DNM3: variants seen among roughly 807,000 people sequenced by gnomAD.
The protein encoded by DNM3 is dynamin-3.
In DNM3, 47 loss-of-function variants were observed where a neutral mutation model predicts 101.6. The ratio of observed to expected loss-of-function variants is 0.46; its 90% CI spans 0.37 to 0.59. The LOEUF (loss-of-function observed/expected upper bound fraction) is 0.59. Among genes scored for constraint, DNM3 ranks in the 20% least tolerant of loss-of-function variants. The pLI, the probability that DNM3 is intolerant of heterozygous loss-of-function variation, is 0.00. For synonymous variants in DNM3, 385 were observed against 387.9 expected (o/e 0.99, Z 0.09); for missense variants, 849 against 1,085.7 (o/e 0.78, Z 3.06).
chr1:172,012,318 T>C (rs2047183397), intron 4 of DNM3, among the ~76,000 whole-genome samples: 1 of 152,044 alleles, frequency 6.6e-6, no homozygotes, highest in Admixed American at 6.6e-5. Flanking sequence ...TGTGGGAAGT[T>C]ATATGGACCA....
chr1:171,934,771 A>G (rs548684517), intron 2 of DNM3, among the ~76,000 whole-genome samples: 1 of 152,344 alleles, frequency 6.6e-6, no homozygotes, highest in Non-Finnish European at 1.5e-5. Context: ...TGACTTTGTC[A>G]TAACCCTAGA....
chr1:172,321,214 T>C (rs2065698547), intron 16 of DNM3, among the ~76,000 whole-genome samples: 2 of 152,182 alleles, frequency 1.3e-5, no homozygotes, highest in African/African-American at 2.4e-5. Context: ...TCTGCGTTAT[T>C]GTAGGAGAAG....
chr1:171,864,950 A>G (rs1439272709), intron 1 of DNM3, among the ~76,000 whole-genome samples: 1 of 152,090 alleles, frequency 6.6e-6, no homozygotes, highest in East Asian at 1.9e-4. Flanking sequence ...GAAATTAATC[A>G]CTCATTAATT....
At chr1:172,123,125 A>C (rs2056416981) in intron 13 of DNM3, among the ~76,000 whole-genome samples, 1 of 152,186 alleles carries the variant, frequency 6.6e-6, no homozygotes, top group Non-Finnish European at 1.5e-5. Context: ...AGTAACATCC[A>C]AATGTAAAAA....
intron 2 of DNM3, among the ~76,000 whole-genome samples, chr1:171,960,803 A>T (rs933510549): frequency 1.3e-5 from 2 of 152,148 alleles, no homozygotes; most frequent in African/African-American, 4.8e-5. Flanking sequence ...GTACTCTGTG[A>T]CTGGAAGAAA....
rs1170575883 is a variant in DNM3, at chr1:172,367,733, G to A, written c.1894-11285G>A. Among the ~76,000 whole-genome samples, 2 of 151,926 alleles carry A rather than the reference G, an allele frequency of 1.3e-5. 1 individual carries two copies. ...CTATGAAGATACTCATAGACTGAAA[G>A]TGAAGGAATGAAAATATATATTCCA... On this transcript the variant is annotated intron_variant, in intron 17 of 20. Transcript: ENST00000627582.
chr1:172,299,279 T>C (rs1274352300), intron 15 of DNM3, among the ~76,000 whole-genome samples: 4 of 152,200 alleles, frequency 2.6e-5, no homozygotes, highest in African/African-American at 7.2e-5. Flanking sequence ...CCTGGGGGCT[T>C]TGTGGGCCAT....
At chr1:172,394,754 G>A (rs759237123) in intron 20 of DNM3, among the ~76,000 whole-genome samples, 1 of 152,146 alleles carries the variant, frequency 6.6e-6, no homozygotes, top group South Asian at 2.1e-4. Context: ...ACTGGCCAGT[G>A]AAAAATGCAC....
chr1:171,930,785 A>G (rs1382957979), intron 2 of DNM3, among the ~76,000 whole-genome samples: 1 of 152,026 alleles, frequency 6.6e-6, no homozygotes, highest in Non-Finnish European at 1.5e-5. Context: ...AGCGTGCTGT[A>G]TTTACTTGCC....
chr1:171,922,370 A>C (rs1050504859), intron 2 of DNM3, among the ~76,000 whole-genome samples: 1 of 149,824 alleles, frequency 6.7e-6, no homozygotes, highest in African/African-American at 2.5e-5. Context: ...TTTCATGTTT[A>C]TTTGCCATTT....
chr1:172,358,260 G>A (rs1327160309), intron 17 of DNM3, among the ~76,000 whole-genome samples: 2 of 152,084 alleles, frequency 1.3e-5, no homozygotes, highest in Non-Finnish European at 2.9e-5. Flanking sequence ...GTGTATATGT[G>A]TGTGTGCGTA....
At chr1:172,075,448 C>T (rs547039570) in intron 11 of DNM3, among the ~76,000 whole-genome samples, 5 of 152,168 alleles carry the variant, frequency 3.3e-5, no homozygotes, top group African/African-American at 1.2e-4. Context: ...GCTTTTAGGT[C>T]TTGTGTTTAA....
intron 1 of DNM3, among the ~76,000 whole-genome samples, chr1:171,892,306 T>C (rs1283570090): frequency 6.6e-6 from 1 of 152,164 alleles, no homozygotes; most frequent in Admixed American, 6.5e-5. Context: ...GGTTCTTTTG[T>C]TTGGAAATGG....
At chr1:171,970,274 G>A (rs1473150939) in intron 2 of DNM3, 1 of 361,330 alleles carries the variant, frequency 2.8e-6, no homozygotes, top group Non-Finnish European at 3.8e-6. Flanking sequence ...AACATTTTAA[G>A]GGTAACATTT....
At chr1:171,862,996 A>G (rs1254335529) in intron 1 of DNM3, among the ~76,000 whole-genome samples, 3 of 151,608 alleles carry the variant, frequency 2.0e-5, no homozygotes, top group South Asian at 4.2e-4. Context: ...CAGTGTGTAG[A>G]TAACTCTTCT....
At chr1:172,156,292 C>T (rs1445580285) in intron 14 of DNM3, among the ~76,000 whole-genome samples, 1 of 152,066 alleles carries the variant, frequency 6.6e-6, no homozygotes, top group African/African-American at 2.4e-5. Flanking sequence ...AGTTAGCCTT[C>T]ATCAGTTTTA....
intron 13 of DNM3, among the ~76,000 whole-genome samples, chr1:172,120,617 T>C (rs1248286708): frequency 1.3e-5 from 2 of 152,202 alleles, no homozygotes; most frequent in African/African-American, 4.8e-5. Context: ...ACACTGAGTT[T>C]GCCTCTCCCT....
intron 14 of DNM3, among the ~76,000 whole-genome samples, chr1:172,240,029 G>T (rs772477588): frequency 6.6e-6 from 1 of 151,876 alleles, no homozygotes; most frequent in South Asian, 2.1e-4. Context: ...CATGGAAGGG[G>T]CCCCCTTTTC....
intron 17 of DNM3, among the ~76,000 whole-genome samples, chr1:172,375,669 T>C (rs201736255): frequency 1.3e-5 from 2 of 152,156 alleles, no homozygotes; most frequent in East Asian, 3.9e-4. Flanking sequence ...CCCCAAGGTA[T>C]GGTGAGAATT....
Sources: gnomAD v4.1 joint callset for allele counts (sites outside exome capture counted in the v4.1 genomes callset) on GRCh38, gnomAD v4.1.1 for gene constraint, MANE v1.5 for transcripts, NCBI Gene and HGNC (gene_info 2026-07-23, HGNC 2026-07-21) for gene names.